The following SUCNR1 variants were observed in gnomAD, a reference collection of about 807,000 sequenced individuals.
SUCNR1 encodes the protein G-protein coupled receptor 91.
A neutral mutation model predicts 2.4 loss-of-function variants in SUCNR1; 5 were observed. The ratio of observed to expected loss-of-function variants is 2.07; its 90% CI spans 1.08 to 4.36. SUCNR1 has a LOEUF of 4.36. Ranked by LOEUF, SUCNR1 falls within the 30% of genes most tolerant of loss-of-function variation. The pLI is 0.00. For synonymous variants in SUCNR1, 162 were observed against 143.9 expected, an observed-to-expected ratio of 1.13 and a Z score of -0.90; for missense variants, 373 against 399.2, an observed-to-expected ratio of 0.93 and a Z score of 0.56.
rs923551148 is a variant in SUCNR1 at position 151,874,202 on chromosome 3, A to G, written c.-42+496A>G. On this transcript the variant is annotated intron_variant, in intron 1 of 2. Coordinates refer to ENST00000362032, the MANE Select transcript of SUCNR1 (RefSeq NM_033050.6). ...GAGTTTCACTCTTGTCACCCAGGCT[A>G]GAGTGTCTGAGTGCCAGAGTGACAC... Among the ~76,000 whole-genome samples, 5 of 134,716 alleles carry G rather than the reference A, an allele frequency of 3.7e-5. No individual in the cohort carries two copies. The South Asian group carries it at 1.2e-3, about 33-fold the overall frequency. The allele number at this position is 134,716 out of a possible 152,430, so 88.4% of individuals were successfully genotyped here.
At chr3:151,876,844 TAGTC>T (rs889059624) in intron 1 of SUCNR1, among the ~76,000 whole-genome samples, 3 of 152,158 alleles carry the variant, frequency 2.0e-5, no homozygotes, top group Non-Finnish European at 2.9e-5. Context: ...GCTTTGTAAA[TAGTC>T]AGGTGTTCAT....
At chr3:151,879,154 G>C (rs555001438) in intron 1 of SUCNR1, among the ~76,000 whole-genome samples, 1 of 152,128 alleles carries the variant, frequency 6.6e-6, no homozygotes, top group Non-Finnish European at 1.5e-5. Context: ...GATAATTAAA[G>C]TTCTTGAAAT....
Position 151,880,919 on chromosome 3 carries a change from T to C in SUCNR1, c.376T>C (p.Tyr126His), listed in dbSNP as rs781768403. ...ISIDRYLIIKYPFREHLLQKK... is the reference protein window; with the variant it reads ...ISIDRYLIIKHPFREHLLQKK... The stretch of plus-strand genomic sequence containing the variant: ...CATAGATCGATACTTGATAATTAAG[T>C]ATCCTTTCCGAGAACACCTTCTGCA... Residue 126 changes from tyrosine to histidine, a missense_variant, in exon 3 of 3, where the codon TAT becomes CAT. By Grantham distance (83) the Tyr-to-His change is moderately conservative. This residue lies in a region of SUCNR1 where 184 missense variants were observed against 162.2 expected (regional missense o/e 1.13). Transcript: ENST00000362032. The C allele has an allele frequency of 6.2e-7, 1 of 1,613,840 alleles. No homozygotes were observed. The highest frequency in any genetic ancestry group is 8.5e-7 in the Non-Finnish European group (1 of 1,180,012).
chr3:151,873,851 GAAAA>G (rs374276481), intron 1 of SUCNR1, 145 bp downstream of exon 1: 3 of 144,238 alleles, frequency 2.1e-5, no homozygotes, highest in Non-Finnish European at 4.6e-5. Flanking sequence ...CAAAATAATT[GAAAA>G]AAAAAAGTCA....
intron 1 of SUCNR1, among the ~76,000 whole-genome samples, chr3:151,879,355 T>G (rs1387436054): frequency 1.3e-5 from 2 of 152,196 alleles, no homozygotes; most frequent in Admixed American, 6.5e-5. Flanking sequence ...CTCCTCAAAA[T>G]GTATGTTGGA....
At position 151,883,465 on chromosome 3, in the gene SUCNR1, C is replaced by CATATATAT. The variant is rs57096358; in HGVS notation, c.*1950_*1957dup. 0.023 allele frequency: 1,816 copies of CATATATAT among 80,234 alleles called. 65 individuals carry two copies. The highest frequency in any genetic ancestry group is 0.027 in the Non-Finnish European group (1,154 of 42,138). The allele number at this position is 80,234 out of a possible 1,614,324, so 5.0% of individuals were successfully genotyped here. A position where few individuals can be genotyped will look rare whatever the true frequency, so the allele number is the denominator to read the frequency against. Reference sequence around the variant, plus strand: ...AATATTTTTTCAAACCATAAACTCACATATATATATATATATATATATATA... The same window carrying CATATATAT: ...AATATTTTTTCAAACCATAAACTCACATATATATATATATATATATATATATATATATA... On this transcript the variant is annotated 3_prime_UTR_variant, in exon 3 of 3. Transcript: ENST00000362032.
At chr3:151,879,328 G>A (rs1457159564) in intron 1 of SUCNR1, among the ~76,000 whole-genome samples, 1 of 152,154 alleles carries the variant, frequency 6.6e-6, no homozygotes, top group South Asian at 2.1e-4. Context: ...CAAATGCCAT[G>A]GTCTTAATAT....
In SUCNR1 at chr3:151,881,300, A is replaced by T. The variant is rs1165802438; in HGVS notation, c.757A>T (p.Asn253Tyr). The T allele has an allele frequency of 6.2e-7, 1 of 1,614,156 alleles. No homozygotes were observed. The change falls in exon 3 of 3, where the codon AAT (asparagine) becomes TAT (tyrosine). Residue 253 changes from asparagine to tyrosine, a missense_variant. By Grantham distance (143) the Asn-to-Tyr change is moderately radical. This residue lies in a region of SUCNR1 where 157 missense variants were observed against 178.7 expected (regional missense o/e 0.88). Coordinates refer to ENST00000362032, the MANE Select transcript of SUCNR1 (RefSeq NM_033050.6). Reference sequence around the variant, plus strand: ...TTTTACACCCTATCACGTCATGCGGAATGTGAGGATCGCTTCACGCCTGGG... The same window carrying T: ...TTTTACACCCTATCACGTCATGCGGTATGTGAGGATCGCTTCACGCCTGGG... Reference protein sequence around the residue: ...VLFTPYHVMRNVRIASRLGSW... With the variant: ...VLFTPYHVMRYVRIASRLGSW...
chr3:151,874,142 ATATATTTTTTTTTTT>A (rs1251939175), intron 1 of SUCNR1, among the ~76,000 whole-genome samples: 15 of 53,162 alleles, frequency 2.8e-4, no homozygotes, highest in South Asian at 6.1e-4. Flanking sequence ...ATATATATAT[ATATATTTTTTTTTTT>A]TTTTTTTTTT....
Position 151,881,261 on chromosome 3 carries a change from A to C in SUCNR1, c.718A>C (p.Ile240Leu). The change falls in exon 3 of 3, where the codon ATC becomes CTC. Residue 240 changes from isoleucine (I) to leucine (L), a missense_variant. Physicochemically the swap from Ile to Leu is conservative, Grantham distance 5 (BLOSUM62 2). This residue lies in a region of SUCNR1 where 157 missense variants were observed against 178.7 expected (regional missense o/e 0.88). Transcript: ENST00000362032. ...PLNLVIMAVVIFSVLFTPYHV... is the reference protein window; with the variant it reads ...PLNLVIMAVVLFSVLFTPYHV... Reference sequence around the variant, plus strand: ...CAACTTGGTCATCATGGCAGTGGTAATCTTCTCTGTGCTTTTTACACCCTA... The same window carrying C: ...CAACTTGGTCATCATGGCAGTGGTACTCTTCTCTGTGCTTTTTACACCCTA... 1.9e-6 allele frequency: 3 copies of C among 1,614,166 alleles called. No homozygotes were observed. Among genetic ancestry groups the C allele is most frequent in the Non-Finnish European group, 2.5e-6 (3 of 1,180,028 alleles).
intron 1 of SUCNR1, among the ~76,000 whole-genome samples, chr3:151,874,211 G>C (rs1717854146): frequency 7.3e-6 from 1 of 137,662 alleles, no homozygotes; most frequent in Non-Finnish European, 1.5e-5. Flanking sequence ...TAGAGTGTCT[G>C]AGTGCCAGAG....
At position 151,880,662 on chromosome 3, in the gene SUCNR1, G is replaced by A. The variant is rs867010045; in HGVS notation, c.119G>A (p.Gly40Glu). ...YGIEFVVGVL[G>E]NTIVVYGYIF... The stretch of plus-strand genomic sequence containing the variant: ...ATTGAGTTCGTTGTGGGAGTCCTTG[G>A]AAATACCATTGTTGTTTACGGCTAC... The change falls in exon 3 of 3, where the codon GGA (glycine) becomes GAA (glutamate). Residue 40 changes from glycine (G) to glutamate (E), a missense_variant. By Grantham distance (98) the Gly-to-Glu change is moderately conservative. Around this residue, in one of 3 missense-constraint regions of SUCNR1, gnomAD observed 184 missense variants for 162.2 expected, o/e 1.13. Transcript: ENST00000362032. 1.2e-6 allele frequency: 2 copies of A among 1,614,094 alleles called. No individual in the cohort carries two copies. Among genetic ancestry groups the A allele is most frequent in the Non-Finnish European group, 1.7e-6 (2 of 1,179,970 alleles).
chr3:151,881,170 G>A lies in SUCNR1; in HGVS notation c.627G>A (p.Lys209=), dbSNP rs1287281934. The A allele has an allele frequency of 6.2e-7, 1 of 1,614,126 alleles. No homozygotes were observed. Among genetic ancestry groups the A allele is most frequent in the Admixed American group, 1.7e-5 (1 of 60,004 alleles). The stretch of plus-strand genomic sequence containing the variant: ...TTGTGATGTGTTTCTTTTATTACAA[G>A]ATTGCTCTCTTCCTAAAGCAGAGGA... ...PLFVMCFFYY[K]IALFLKQRNR... The change falls in exon 3 of 3, where the codon AAG becomes AAA. Residue 209 remains lysine (K), a synonymous_variant. Coordinates refer to ENST00000362032, the MANE Select transcript of SUCNR1 (RefSeq NM_033050.6).
Position 151,881,499 on chromosome 3 carries a change from C to T in SUCNR1, c.956C>T (p.Ser319Phe), listed in dbSNP as rs1028082501. ...QLRHNFKSLT[S>F]FSRWAHELLL... ...AGACACAACTTCAAATCCCTTACAT[C>T]CTTTAGCAGATGGGCTCATGAACTC... Residue 319 changes from serine to phenylalanine, a missense_variant, in exon 3 of 3, where the codon TCC (serine) becomes TTC (phenylalanine). Coordinates refer to ENST00000362032, the MANE Select transcript of SUCNR1 (RefSeq NM_033050.6). 1.9e-6 allele frequency: 3 copies of T among 1,612,206 alleles called. No individual in the cohort carries two copies. In the African/African-American group the frequency reaches 4.0e-5, roughly 22 times the overall value.
Position 151,881,411 on chromosome 3 carries a change from A to G in SUCNR1, c.868A>G (p.Ile290Val), listed in dbSNP as rs779961865. Residue 290 changes from isoleucine to valine, a missense_variant, in exon 3 of 3, where the codon ATC becomes GTC. By Grantham distance (29) the Ile-to-Val change is conservative. Transcript: ENST00000362032. ...GCCTTTGGCCTTTCTGAACAGTGTC[A>G]TCAACCCTGTCTTCTATTTTCTTTT... ...TRPLAFLNSVINPVFYFLLGD... is the reference protein window; with the variant it reads ...TRPLAFLNSVVNPVFYFLLGD... The G allele has an allele frequency of 6.2e-7, 1 of 1,614,212 alleles. No individual in the cohort carries two copies. The highest frequency in any genetic ancestry group is 8.5e-7 in the Non-Finnish European group (1 of 1,180,020).
At chr3:151,874,146 ATTTTTTTT>A (rs56678758) in intron 1 of SUCNR1, among the ~76,000 whole-genome samples, 1,048 of 60,170 alleles carry the variant, frequency 0.017, 7 homozygotes, top group Non-Finnish European at 0.023. Flanking sequence ...ATATATATAT[ATTTTTTTT>A]TTTTTTTTTT....
At chr3:151,879,161 A>C (rs1401607035) in intron 1 of SUCNR1, among the ~76,000 whole-genome samples, 6 of 152,220 alleles carry the variant, frequency 3.9e-5, no homozygotes, top group Admixed American at 3.9e-4. Flanking sequence ...AAAGTTCTTG[A>C]AATACCCTAT....
rs1414756753 is a variant in SUCNR1, at chr3:151,880,996, C to T, written c.453C>T (p.Thr151=). ...LISLAIWVLV[T]LELLPILPLI... ...CCTTGGCCATTTGGGTTTTAGTAAC[C>T]TTAGAGTTACTACCCATACTTCCCC... The change falls in exon 3 of 3, where the codon ACC becomes ACT. Residue 151 remains threonine, a synonymous_variant. Coordinates refer to ENST00000362032, the MANE Select transcript of SUCNR1 (RefSeq NM_033050.6). 11 of 1,613,644 alleles carry T rather than the reference C, an allele frequency of 6.8e-6. No homozygotes were observed. Among genetic ancestry groups the T allele is most frequent in the Non-Finnish European group, 9.3e-6 (11 of 1,179,612 alleles).
chr3:151,880,755 C>A lies in SUCNR1; in HGVS notation c.212C>A (p.Ala71Asp), dbSNP rs1406775164. The A allele has an allele frequency of 1.9e-6, 3 of 1,614,058 alleles. No individual in the cohort carries two copies. The highest frequency in any genetic ancestry group is 4.5e-5 in the East Asian group (2 of 44,882). ...TTTAACCTCTCTGTCTCTGACTTAG[C>A]TTTTCTGTGCACCCTCCCCATGCTG... The part of the protein sequence containing the change: ...YLFNLSVSDL[A>D]FLCTLPMLIR... The change falls in exon 3 of 3, where the codon GCT becomes GAT. Residue 71 changes from alanine to aspartate, a missense_variant. Coordinates refer to ENST00000362032, the MANE Select transcript of SUCNR1 (RefSeq NM_033050.6).
Sources: gnomAD v4.1 joint callset for allele counts (sites outside exome capture counted in the v4.1 genomes callset) on GRCh38, gnomAD v4.1.1 for gene constraint, gnomAD v4.1.1 regional missense constraint, MANE v1.5 for transcripts, NCBI Gene and HGNC (gene_info 2026-07-23, HGNC 2026-07-21) for gene names.